The following EIPR1 variants were observed in gnomAD, a reference collection of about 807,000 sequenced individuals.
EIPR1 encodes EARP complex and GARP complex interacting protein 1, also known as EARP and GARP complex-interacting protein 1.
Under a neutral mutation model 48.1 loss-of-function variants are expected in EIPR1, and 25 were observed. The ratio of observed to expected loss-of-function variants is 0.52; its 90% CI spans 0.38 to 0.73. The LOEUF (loss-of-function observed/expected upper bound fraction) is 0.73, where lower values mean the gene tolerates loss of function less well. EIPR1 is among the 30% of genes least tolerant of loss of function. The probability of loss-of-function intolerance (pLI) is 0.00; values close to 1 mark genes in which losing one functional copy is unlikely to be tolerated. For missense variants in EIPR1, 415 were observed against 506.2 expected (o/e 0.82, Z 1.73); for synonymous variants, 204 against 201.9 (o/e 1.01, Z -0.09).
intron 4 of EIPR1, among the ~76,000 whole-genome samples, chr2:3,236,296 T>C (rs1666404163): frequency 6.6e-6 from 1 of 152,176 alleles, no homozygotes; most frequent in African/African-American, 2.4e-5. Context: ...CAGAGAGTTC[T>C]GTTAAGGAAC....
intron 4 of EIPR1, among the ~76,000 whole-genome samples, chr2:3,242,853 C>T (rs1426851407): frequency 4.6e-5 from 7 of 152,192 alleles, no homozygotes; most frequent in African/African-American, 1.7e-4. Flanking sequence ...TTTCTTCCTG[C>T]TTGCAAAGCC....
rs1282243509 is a variant in EIPR1 at position 3,269,677 on chromosome 2, GCAATCATCGCACTCAATCATCACACT to G, written c.260-12248_260-12223del. ...CACTCAATCATCACACTCAATCATC[GCAATCATCGCACTCAATCATCACACT>G]CAATCATCGCACTCAATCATCACAC... On this transcript the variant is annotated intron_variant, in intron 3 of 8. Transcript: ENST00000382125. Among the ~76,000 whole-genome samples the G allele has an allele frequency of 2.0e-4, 19 of 94,342 alleles. No individual in the cohort carries two copies. The East Asian group carries it at 4.5e-3, about 23-fold the overall frequency. The allele number at this position is 94,342 out of a possible 152,430, so 61.9% of individuals were successfully genotyped here.
At chr2:3,350,117 C>CAAAAAAA (rs35912767) in intron 2 of EIPR1, among the ~76,000 whole-genome samples, 9 of 57,462 alleles carry the variant, frequency 1.6e-4, no homozygotes, top group Non-Finnish European at 2.6e-4. Flanking sequence ...GACTCTGTCT[C>CAAAAAAA]AAAAAAAAAA....
intron 4 of EIPR1, among the ~76,000 whole-genome samples, chr2:3,223,634 G>A (rs940251372): frequency 3.9e-5 from 6 of 152,124 alleles, no homozygotes; most frequent in Admixed American, 6.5e-5. Context: ...TATCCAAAGC[G>A]CCCCACTAAA....
At chr2:3,195,300 A>T (rs1216438999) in intron 6 of EIPR1, among the ~76,000 whole-genome samples, 1 of 152,218 alleles carries the variant, frequency 6.6e-6, no homozygotes, top group African/African-American at 2.4e-5. Context: ...GGCGGGACTG[A>T]AATCACTCCT....
At chr2:3,333,809 C>T (rs1352373598) in intron 3 of EIPR1, among the ~76,000 whole-genome samples, 1 of 151,216 alleles carries the variant, frequency 6.6e-6, no homozygotes, top group African/African-American at 2.4e-5. Flanking sequence ...AAGAAAGACA[C>T]GGAAAGCAGC....
At position 3,312,584 on chromosome 2, in the gene EIPR1, A is replaced by G. The variant is rs943200929; in HGVS notation, c.259+25433T>C. Among the ~76,000 whole-genome samples, 1 of 152,116 alleles carries G rather than the reference A, an allele frequency of 6.6e-6. No homozygotes were observed. The highest frequency in any genetic ancestry group is 2.4e-5 in the African/African-American group (1 of 41,426). On this transcript the variant is annotated intron_variant, in intron 3 of 8. Coordinates refer to ENST00000382125, the MANE Select transcript of EIPR1 (RefSeq NM_003310.5). The surrounding 1 kb of genome is among the most constrained non-coding windows in gnomAD (Gnocchi z 5.5). Reference sequence around the variant, plus strand: ...ATTGTCAGCATGTTTCTGGTCTCTTAAAATTGAAGTTTTATCCCTAGCTTT... The same window carrying G: ...ATTGTCAGCATGTTTCTGGTCTCTTGAAATTGAAGTTTTATCCCTAGCTTT...
chr2:3,328,848 T>C (rs1287738351), intron 3 of EIPR1, among the ~76,000 whole-genome samples: 10 of 95,968 alleles, frequency 1.0e-4, no homozygotes, highest in Non-Finnish European at 1.3e-4. Flanking sequence ...GGGCACCAGC[T>C]GGGCTCCCCT....
At chr2:3,328,253 C>T (rs1669759211) in intron 3 of EIPR1, among the ~76,000 whole-genome samples, 1 of 152,206 alleles carries the variant, frequency 6.6e-6, no homozygotes, top group South Asian at 2.1e-4. Flanking sequence ...TCTCTAAGGA[C>T]CATTTCCACC....
At chr2:3,371,750 CAA>C (rs1413100437) in intron 1 of EIPR1, among the ~76,000 whole-genome samples, 3 of 152,156 alleles carry the variant, frequency 2.0e-5, no homozygotes, top group Non-Finnish European at 4.4e-5. Flanking sequence ...GAGTGACCTA[CAA>C]AGAGACTTAG....
intron 4 of EIPR1, among the ~76,000 whole-genome samples, chr2:3,223,296 C>T (rs561348480): frequency 1.3e-5 from 2 of 152,250 alleles, no homozygotes; most frequent in East Asian, 3.9e-4. Flanking sequence ...AGCCTGCACT[C>T]CCCCCACACA....
At chr2:3,279,248 C>T (rs1322098985) in intron 3 of EIPR1, among the ~76,000 whole-genome samples, 1 of 152,210 alleles carries the variant, frequency 6.6e-6, no homozygotes, top group Non-Finnish European at 1.5e-5. Context: ...TGATGATTTT[C>T]TGACTGATGT....
intron 4 of EIPR1, among the ~76,000 whole-genome samples, chr2:3,250,935 A>G (rs1197931402): frequency 6.6e-6 from 1 of 151,972 alleles, no homozygotes; most frequent in Non-Finnish European, 1.5e-5. Context: ...TGAGCCAAAT[A>G]AACCTCTTTT....
intron 1 of EIPR1, among the ~76,000 whole-genome samples, chr2:3,359,502 T>C (rs1670805344): frequency 6.6e-6 from 1 of 152,162 alleles, no homozygotes; most frequent in South Asian, 2.1e-4. Context: ...TTTGAAACTA[T>C]CTTATTCAAG....
At position 3,296,682 on chromosome 2, in the gene EIPR1, C is replaced by A. The variant is rs1402238330; in HGVS notation, c.260-39227G>T. 2.6e-5 allele frequency among the ~76,000 whole-genome samples: 4 copies of A among 151,002 alleles called. No homozygotes were observed. In the East Asian group the frequency reaches 7.9e-4, roughly 30 times the overall value. On this transcript the variant is annotated intron_variant, in intron 3 of 8. Transcript: ENST00000382125. The stretch of plus-strand genomic sequence containing the variant: ...GTCTACACACACACCCTCCATCCAG[C>A]CCGTCCTCTCTCTGCCTACAGAATC...
At chr2:3,243,032 C>T (rs1393120846) in intron 4 of EIPR1, among the ~76,000 whole-genome samples, 1 of 152,186 alleles carries the variant, frequency 6.6e-6, no homozygotes, top group Non-Finnish European at 1.5e-5. Context: ...TGTTTCTATG[C>T]TTCCTGGGAA....
At chr2:3,373,513 A>G (rs1265478932) in intron 1 of EIPR1, among the ~76,000 whole-genome samples, 1 of 151,226 alleles carries the variant, frequency 6.6e-6, no homozygotes, top group Non-Finnish European at 1.5e-5. Context: ...TTAAGCTGAT[A>G]AGCAACTTCA....
intron 3 of EIPR1, among the ~76,000 whole-genome samples, chr2:3,324,900 G>T (rs370561478): frequency 1.3e-5 from 2 of 152,202 alleles, no homozygotes; most frequent in African/African-American, 2.4e-5. Context: ...AGGGCCTCAC[G>T]CCTCACAGGA....
intron 5 of EIPR1, chr2:3,208,892 C>T (rs1665335691): frequency 1.3e-6 from 2 of 1,548,932 alleles, no homozygotes; most frequent in South Asian, 1.2e-5. Context: ...ACAAGGCCTC[C>T]AGCCTGGGAA....
Sources: gnomAD v4.1 joint callset for allele counts (sites outside exome capture counted in the v4.1 genomes callset) on GRCh38, gnomAD v4.1.1 for gene constraint, Gnocchi (gnomAD v3.1) non-coding constraint, MANE v1.5 for transcripts, NCBI Gene and HGNC (gene_info 2026-07-23, HGNC 2026-07-21) for gene names.